The following SPON1 variants were observed in gnomAD, a reference collection of about 807,000 sequenced individuals.
SPON1 encodes the protein spondin-1.
A neutral mutation model predicts 111.7 loss-of-function variants in SPON1; 52 were observed. The ratio of observed to expected loss-of-function variants is 0.47; its 90% confidence interval spans 0.37 to 0.59. The LOEUF is 0.59. Among genes scored for constraint, SPON1 ranks in the 20% least tolerant of loss-of-function variants. The probability of loss-of-function intolerance (pLI) is 0.00; values close to 1 mark genes in which losing one functional copy is unlikely to be tolerated. For synonymous variants in SPON1, 410 were observed against 395.8 expected, an observed-to-expected ratio of 1.04 and a Z score of -0.43; for missense variants, 957 against 1,068.5, an observed-to-expected ratio of 0.90 and a Z score of 1.46.
intron 6 of SPON1, among the ~76,000 whole-genome samples, chr11:14,226,732 C>A (rs1554938175): frequency 6.6e-6 from 1 of 152,136 alleles, no homozygotes; most frequent in Non-Finnish European, 1.5e-5. Flanking sequence ...AACAAATTAC[C>A]CACAAATCTG....
intron 3 of SPON1, among the ~76,000 whole-genome samples, chr11:14,069,167 G>A (rs781806219): frequency 1.4e-4 from 22 of 151,966 alleles, no homozygotes; most frequent in Non-Finnish European, 2.9e-4. Flanking sequence ...ATTGGTGTTC[G>A]TACCTAGGAG....
intron 6 of SPON1, among the ~76,000 whole-genome samples, chr11:14,197,905 C>T (rs1403623236): frequency 6.6e-6 from 1 of 152,198 alleles, no homozygotes; most frequent in Non-Finnish European, 1.5e-5. Flanking sequence ...GAAGCTTCCT[C>T]AGCTTCCTGA....
At chr11:14,262,665 CTTGT>C in intron 14 of SPON1, 43 bp from the exon 15 acceptor site, 1 of 1,607,906 alleles carries the variant, frequency 6.2e-7, no homozygotes, top group Non-Finnish European at 8.5e-7. Context: ...GTGACCATAT[CTTGT>C]TTCAGACATG....
At chr11:14,083,283 A>T (rs1354346958) in intron 5 of SPON1, among the ~76,000 whole-genome samples, 1 of 152,204 alleles carries the variant, frequency 6.6e-6, no homozygotes, top group Non-Finnish European at 1.5e-5. Context: ...TTCAACTTAG[A>T]TTCAAAATAG....
At chr11:14,160,184 A>T (rs1847893587) in intron 6 of SPON1, among the ~76,000 whole-genome samples, 2 of 150,594 alleles carry the variant, frequency 1.3e-5, no homozygotes, top group Non-Finnish European at 3.0e-5. Flanking sequence ...AAATTTTTTT[A>T]AATTTTTTTT....
intron 2 of SPON1, among the ~76,000 whole-genome samples, chr11:14,029,602 C>A (rs891394743): frequency 9.9e-5 from 15 of 152,150 alleles, no homozygotes; most frequent in African/African-American, 3.4e-4. Flanking sequence ...CACCACATAG[C>A]AACGGGAGAG....
chr11:14,060,878 G>A (rs1848786307), intron 3 of SPON1, among the ~76,000 whole-genome samples: 1 of 152,092 alleles, frequency 6.6e-6, no homozygotes, highest in South Asian at 2.1e-4. Context: ...CATGCACTGT[G>A]GGTAGATACA....
At chr11:13,965,915 A>G (rs1390450246) in intron 1 of SPON1, among the ~76,000 whole-genome samples, 1 of 152,114 alleles carries the variant, frequency 6.6e-6, no homozygotes, top group Non-Finnish European at 1.5e-5. Context: ...ATTCCTCACA[A>G]TCCTTGGAAT....
At chr11:14,217,659 A>G (rs534261177) in intron 6 of SPON1, among the ~76,000 whole-genome samples, 99 of 152,216 alleles carry the variant, frequency 6.5e-4, no homozygotes, top group African/African-American at 2.3e-3. Flanking sequence ...TTTTTACTCA[A>G]AAAGACTTGT....
intron 6 of SPON1, among the ~76,000 whole-genome samples, chr11:14,219,576 A>T (rs1554937412): frequency 6.6e-6 from 1 of 152,158 alleles, no homozygotes; most frequent in African/African-American, 2.4e-5. Context: ...GTTTGTCATA[A>T]AACTGCCACC....
At chr11:14,032,458 G>T (rs781795427) in intron 2 of SPON1, among the ~76,000 whole-genome samples, 20 of 152,188 alleles carry the variant, frequency 1.3e-4, no homozygotes, top group Non-Finnish European at 2.9e-4. Context: ...CTCTGGGGAT[G>T]TGGGCCACGA....
chr11:14,254,728 A>T lies in SPON1; in HGVS notation c.1091A>T (p.Glu364Val). Residue 364 changes from glutamate (E) to valine (V), a missense_variant and splice_region_variant, in exon 8 of 16, where the codon GAG (glutamate) becomes GTG (valine). Transcript: ENST00000576479. ...GGCACCGACAGCGGGGTGACCTATG[A>T]GGTGTGTGTGTGTGCCTGGAGTGGT... ...DAGTDSGVTY[E>V]SPNKPTIPQE... 1 of 1,613,398 alleles carries T rather than the reference A, an allele frequency of 6.2e-7. No individual in the cohort carries two copies. The highest frequency in any genetic ancestry group is 8.5e-7 in the Non-Finnish European group (1 of 1,179,806).
intron 6 of SPON1, among the ~76,000 whole-genome samples, chr11:14,158,025 G>T (rs1438602657): frequency 3.3e-5 from 5 of 151,928 alleles, no homozygotes. Flanking sequence ...TTCTTGGTAT[G>T]TCTCATCATT....
intron 6 of SPON1, among the ~76,000 whole-genome samples, chr11:14,141,876 A>G (rs1847660858): frequency 6.6e-6 from 1 of 152,140 alleles, no homozygotes; most frequent in Non-Finnish European, 1.5e-5. Context: ...CGGTTTGGAA[A>G]AACCACACAC....
chr11:14,233,801 C>T (rs182367785), intron 6 of SPON1, among the ~76,000 whole-genome samples: 21 of 135,254 alleles, frequency 1.6e-4, no homozygotes, highest in Admixed American at 1.1e-3. Context: ...CTGCCCTCGT[C>T]GCCCAGTCTG....
rs1554942041 is a variant in SPON1, at chr11:14,262,809, G to T, written c.2094G>T (p.Glu698Asp). 6.2e-7 allele frequency: 1 copy of T among 1,614,002 alleles called. No individual in the cohort carries two copies. Among genetic ancestry groups the T allele is most frequent in the South Asian group, 1.1e-5 (1 of 91,074 alleles). ...HVIRTRMIQM[E>D]PQFGGAPCPE... Reference sequence around the variant, plus strand: ...TTCGAACCCGGATGATCCAAATGGAGCCTCAGTTTGGAGGTGCACCCTGCC... The same window carrying T: ...TTCGAACCCGGATGATCCAAATGGATCCTCAGTTTGGAGGTGCACCCTGCC... Residue 698 changes from glutamate to aspartate, a missense_variant, in exon 15 of 16, where the codon GAG becomes GAT. Glu to Asp is a conservative substitution (Grantham distance 45). This residue lies in a region of SPON1 where 549 missense variants were observed against 606.2 expected (regional missense o/e 0.91). Transcript: ENST00000576479.
chr11:14,040,444 G>C (rs1848623608), intron 2 of SPON1, among the ~76,000 whole-genome samples: 1 of 151,940 alleles, frequency 6.6e-6, no homozygotes, highest in Non-Finnish European at 1.5e-5. Context: ...CAAATACTTA[G>C]GAGTGAATGC....
At chr11:14,163,679 T>C (rs1439472539) in intron 6 of SPON1, among the ~76,000 whole-genome samples, 1 of 152,176 alleles carries the variant, frequency 6.6e-6, no homozygotes, top group Non-Finnish European at 1.5e-5. Context: ...GTGAGAGAAA[T>C]ACACATGCAG....
intron 5 of SPON1, among the ~76,000 whole-genome samples, chr11:14,088,298 T>C (rs1849022809): frequency 6.6e-6 from 1 of 152,218 alleles, no homozygotes; most frequent in East Asian, 1.9e-4. Flanking sequence ...TAGTGCTTCC[T>C]TCAGGAGCTC....
Sources: allele counts gnomAD v4.1 joint callset (sites outside exome capture counted in the v4.1 genomes callset), GRCh38; gene constraint gnomAD v4.1.1; regional missense constraint gnomAD v4.1.1; transcripts MANE v1.5; gene names NCBI Gene and HGNC (gene_info 2026-07-23, HGNC 2026-07-21).